Variants in DAB1 observed in about 807,000 individuals in gnomAD.
DAB1 encodes the protein DAB adaptor protein 1.
DAB1 carries 15 observed loss-of-function variants against 64.6 expected under a neutral mutation model. That is an observed-to-expected ratio of 0.23 (90% CI 0.16 to 0.36). The LOEUF is 0.36. Ranked by LOEUF, DAB1 falls within the 10% of genes least tolerant of loss-of-function variation. The pLI is 1.00. For synonymous variants in DAB1, 235 were observed against 251.9 expected (o/e 0.93, Z 0.64); for missense variants, 596 against 706.7 (o/e 0.84, Z 1.78).
In DAB1 at chr1:57,602,479, C is replaced by A. The variant is rs1257193808; in HGVS notation, n.625+47113G>T. Among the ~76,000 whole-genome samples the A allele has an allele frequency of 2.6e-5, 4 of 152,074 alleles. No individual in the cohort carries two copies. The South Asian group carries it at 8.3e-4, about 32-fold the overall frequency. On this transcript the variant is annotated intron_variant and non_coding_transcript_variant, in intron 7 of 20. Coordinates refer to the DAB1 transcript ENST00000485760. The stretch of plus-strand genomic sequence containing the variant: ...TCCTAAGGAGGTCATCCTAACCCTG[C>A]TTGGAAAAATGTTTCTTGGTGAAGG...
intron 5 of DAB1, among the ~76,000 whole-genome samples, chr1:57,978,376 A>C (rs1188052029): frequency 6.6e-6 from 1 of 152,218 alleles, no homozygotes; most frequent in Non-Finnish European, 1.5e-5. Flanking sequence ...CAGAAAACTG[A>C]AACAGGACCC....
chr1:57,439,418 G>GTTTTTTTTTTTTTTTTTTTTTTTTTTTTT lies in DAB1; in HGVS notation n.626-148253_626-148252insAAAAAAAAAAAAAAAAAAAAAAAAAAAAA. On this transcript the variant is annotated intron_variant and non_coding_transcript_variant, in intron 7 of 20. Coordinates refer to the DAB1 transcript ENST00000485760. Reference sequence around the variant, plus strand: ...GCCATGCCATCAACTTGGTGATGAGGTTTTTTCTTTTTTTTTTTTTTTTTT... The same window carrying GTTTTTTTTTTTTTTTTTTTTTTTTTTTTT: ...GCCATGCCATCAACTTGGTGATGAGGTTTTTTTTTTTTTTTTTTTTTTTTTTTTTTTTTTTCTTTTTTTTTTTTTTTTTT... Among the ~76,000 whole-genome samples the GTTTTTTTTTTTTTTTTTTTTTTTTTTTTT allele has an allele frequency of 5.8e-4, 67 of 116,122 alleles. 11 individuals carry two copies. The highest frequency in any genetic ancestry group is 1.7e-3 in the African/African-American group (48 of 28,284). The allele number at this position is 116,122 out of a possible 152,430, so 76.2% of individuals were successfully genotyped here.
chr1:58,300,610 A>AAGAGAGAG (rs770388855), intron 4 of DAB1, among the ~76,000 whole-genome samples: 5 of 47,062 alleles, frequency 1.1e-4, no homozygotes, highest in Non-Finnish European at 1.4e-4. Flanking sequence ...GAAAGAAAGA[A>AAGAGAGAG]AGAGAGAGAG....
At chr1:57,262,042 G>A (rs928290077) in intron 2 of DAB1, among the ~76,000 whole-genome samples, 5 of 152,138 alleles carry the variant, frequency 3.3e-5, no homozygotes, top group Non-Finnish European at 7.3e-5. Flanking sequence ...AGATTTGGGA[G>A]GTAGGGGTCA....
intron 4 of DAB1, among the ~76,000 whole-genome samples, chr1:57,113,397 A>G (rs923711831): frequency 6.6e-6 from 1 of 152,124 alleles, no homozygotes; most frequent in Non-Finnish European, 1.5e-5. Context: ...AGGTACAAAG[A>G]CCTTAAGTAA....
At chr1:57,026,921 A>G (rs1646808035) in intron 9 of DAB1, among the ~76,000 whole-genome samples, 1 of 152,244 alleles carries the variant, frequency 6.6e-6, no homozygotes, top group African/African-American at 2.4e-5. Context: ...CTTAATTATG[A>G]CAAGTATGTA....
At chr1:57,597,295 T>C (rs1353432762) in intron 7 of DAB1, among the ~76,000 whole-genome samples, 2 of 152,218 alleles carry the variant, frequency 1.3e-5, no homozygotes, top group African/African-American at 4.8e-5. Flanking sequence ...CCCTTCTTTC[T>C]GAAATCTCTT....
intron 2 of DAB1, among the ~76,000 whole-genome samples, chr1:57,180,260 C>T (rs991393447): frequency 3.3e-5 from 5 of 152,178 alleles, no homozygotes; most frequent in African/African-American, 1.2e-4. Context: ...AGCCAAAGAC[C>T]TTCTAACTTG....
chr1:57,554,699 C>T (rs548815276), intron 7 of DAB1, among the ~76,000 whole-genome samples: 3 of 152,104 alleles, frequency 2.0e-5, no homozygotes, highest in Non-Finnish European at 2.9e-5. Flanking sequence ...GAAGTATTTG[C>T]CTCCTATTTT....
chr1:58,304,644 G>A (rs997937248), intron 4 of DAB1, among the ~76,000 whole-genome samples: 2 of 152,090 alleles, frequency 1.3e-5, no homozygotes, highest in African/African-American at 2.4e-5. Context: ...CTCTAAGTTC[G>A]CAAATGACAG....
At chr1:58,146,813 T>C (rs1654620625) in intron 5 of DAB1, among the ~76,000 whole-genome samples, 1 of 152,132 alleles carries the variant, frequency 6.6e-6, no homozygotes, top group Admixed American at 6.5e-5. Flanking sequence ...ACATATACCA[T>C]AATTCCTTTA....
chr1:58,527,371 ATTTATTTCACG>A (rs1248748763), intron 1 of DAB1: 1 of 859,608 alleles, frequency 1.2e-6, no homozygotes, highest in Admixed American at 1.7e-5. Flanking sequence ...CATTAAGACA[ATTTATTTCACG>A]AAAAAAGGAG....
chr1:57,107,275 T>C (rs958523648), intron 4 of DAB1, among the ~76,000 whole-genome samples: 1 of 151,422 alleles, frequency 6.6e-6, no homozygotes, highest in African/African-American at 2.4e-5. Context: ...CTTGGGAGGC[T>C]GAGGCAGGAG....
intron 1 of DAB1, among the ~76,000 whole-genome samples, chr1:57,294,182 C>T (rs1293891130): frequency 6.6e-6 from 1 of 152,164 alleles, no homozygotes; most frequent in Non-Finnish European, 1.5e-5. Flanking sequence ...AAATCATTTT[C>T]CCCAGTAAAG....
intron 1 of DAB1, among the ~76,000 whole-genome samples, chr1:57,845,334 GAGAC>G (rs1001315766): frequency 1.3e-5 from 2 of 152,202 alleles, no homozygotes; most frequent in Non-Finnish European, 2.9e-5. Context: ...ATAGGATAGA[GAGAC>G]AGGAGGGAGG....
At chr1:57,637,177 C>T (rs1646067537) in intron 7 of DAB1, among the ~76,000 whole-genome samples, 1 of 152,124 alleles carries the variant, frequency 6.6e-6, no homozygotes, top group Non-Finnish European at 1.5e-5. Context: ...CTTCCCATAA[C>T]ATATTACAGG....
rs193132404 is a variant in DAB1 at position 58,529,296 on chromosome 1, A to G, written n.33-1961T>C. Among the ~76,000 whole-genome samples, 1,386 of 152,280 alleles carry G rather than the reference A, an allele frequency of 9.1e-3. 5 individuals are homozygous for G. Among genetic ancestry groups the G allele is most frequent in the South Asian group, 0.013 (62 of 4,824 alleles). ...CTGATGGGAACTCCACAAATCATTAAATAAACAAATAACAGATTGTTCCTA... is the reference window on the plus strand; with the variant it reads ...CTGATGGGAACTCCACAAATCATTAGATAAACAAATAACAGATTGTTCCTA... On this transcript the variant is annotated intron_variant and non_coding_transcript_variant, in intron 1 of 20. Coordinates refer to the DAB1 transcript ENST00000485760.
chr1:57,842,908 C>A (rs1653118646), intron 1 of DAB1, among the ~76,000 whole-genome samples: 1 of 152,162 alleles, frequency 6.6e-6, no homozygotes, highest in African/African-American at 2.4e-5. Flanking sequence ...TCCTCTAACT[C>A]AAAGTCTATT....
chr1:58,201,905 G>A (rs904416644), intron 4 of DAB1, among the ~76,000 whole-genome samples: 2 of 152,132 alleles, frequency 1.3e-5, no homozygotes, highest in African/African-American at 4.8e-5. Context: ...CTGATAGGTA[G>A]CAGAGTATGG....
Sources: gnomAD v4.1 joint callset for allele counts (sites outside exome capture counted in the v4.1 genomes callset) on GRCh38, gnomAD v4.1.1 for gene constraint, MANE v1.5 for transcripts, NCBI Gene and HGNC (gene_info 2026-07-23, HGNC 2026-07-21) for gene names.